PPP6C: variants seen among roughly 807,000 people sequenced by gnomAD.
PPP6C encodes the protein protein phosphatase 6 catalytic subunit.
Under a neutral mutation model 39.8 loss-of-function variants are expected in PPP6C, and 11 were observed. The ratio of observed to expected loss-of-function variants is 0.28; its 90% CI spans 0.17 to 0.46. The LOEUF is 0.46. PPP6C is among the 20% of genes least tolerant of loss of function. The pLI is 1.00. For synonymous variants in PPP6C, 129 were observed against 130.3 expected, an observed-to-expected ratio of 0.99 and a Z score of 0.07; for missense variants, 211 against 373.9, an observed-to-expected ratio of 0.56 and a Z score of 3.59.
intron 2 of PPP6C, among the ~76,000 whole-genome samples, chr9:125,169,547 T>C (rs1465309510): frequency 6.6e-6 from 1 of 152,166 alleles, no homozygotes; most frequent in Non-Finnish European, 1.5e-5. Flanking sequence ...ACACTGCTTA[T>C]ATTAATATCC....
At chr9:125,178,539 G>A (rs192714018) in intron 1 of PPP6C, among the ~76,000 whole-genome samples, 25 of 152,180 alleles carry the variant, frequency 1.6e-4, no homozygotes, top group Non-Finnish European at 2.1e-4. Flanking sequence ...GACAAACCAG[G>A]CAAGTAGGCT....
intron 1 of PPP6C, among the ~76,000 whole-genome samples, chr9:125,185,926 A>C (rs756578273): frequency 6.6e-6 from 1 of 152,054 alleles, no homozygotes; most frequent in Non-Finnish European, 1.5e-5. Flanking sequence ...CAGAGGTTGC[A>C]GTGAGCCAAG....
intron 1 of PPP6C, among the ~76,000 whole-genome samples, chr9:125,188,229 C>T (rs1403292282): frequency 1.3e-5 from 2 of 151,766 alleles, no homozygotes; most frequent in Admixed American, 1.3e-4. Flanking sequence ...ACTAAAAATA[C>T]AAAAAATTAG....
At chr9:125,164,564 T>C (rs534457355) in intron 2 of PPP6C, among the ~76,000 whole-genome samples, 1 of 152,084 alleles carries the variant, frequency 6.6e-6, no homozygotes, top group South Asian at 2.1e-4. Flanking sequence ...CTGCTCCCAT[T>C]TTAAACCAAA....
chr9:125,185,651 G>A (rs1279211663), intron 1 of PPP6C, among the ~76,000 whole-genome samples: 1 of 150,904 alleles, frequency 6.6e-6, no homozygotes, highest in Non-Finnish European at 1.5e-5. Context: ...CTGAGAACGT[G>A]CACCTGCACT....
intron 4 of PPP6C, among the ~76,000 whole-genome samples, chr9:125,154,837 A>G (rs183993508): frequency 3.3e-5 from 5 of 152,294 alleles, no homozygotes; most frequent in African/African-American, 1.2e-4. Flanking sequence ...AAAACTGAGG[A>G]CAGATTGCCA....
At chr9:125,151,023 G>C (rs1381395175) in intron 6 of PPP6C, 2 of 1,373,142 alleles carry the variant, frequency 1.5e-6, no homozygotes, top group Non-Finnish European at 2.1e-6. Flanking sequence ...TTATCACCAT[G>C]GACCTACATG....
chr9:125,152,215 T>C (rs981708157), intron 6 of PPP6C, among the ~76,000 whole-genome samples: 3 of 152,050 alleles, frequency 2.0e-5, no homozygotes, highest in African/African-American at 7.2e-5. Flanking sequence ...TAGCTTGGAT[T>C]CTCTTTTGTA....
At chr9:125,155,415 A>ACG (rs1836044137) in intron 4 of PPP6C, among the ~76,000 whole-genome samples, 4 of 152,196 alleles carry the variant, frequency 2.6e-5, no homozygotes, top group Non-Finnish European at 1.5e-5. Flanking sequence ...CAAGATTGTT[A>ACG]TGTAAACTTG....
chr9:125,171,476 C>CATAT (rs1171225348), intron 1 of PPP6C, among the ~76,000 whole-genome samples: 3,277 of 55,844 alleles, frequency 0.059, 55 homozygotes, highest in Admixed American at 0.07. Flanking sequence ...CACACACACA[C>CATAT]ACATATATAT....
chr9:125,170,961 G>T, intron 2 of PPP6C, 124 bp downstream of exon 2: 1 of 576,764 alleles, frequency 1.7e-6, no homozygotes. Context: ...AGAGACTGAG[G>T]CAACCTAGCT....
intron 1 of PPP6C, chr9:125,188,885 T>A: frequency 5.2e-6 from 8 of 1,526,498 alleles, no homozygotes; most frequent in Non-Finnish European, 7.1e-6. Flanking sequence ...ATACATTTAC[T>A]CTTACTTGGA....
chr9:125,185,351 T>C (rs1829503865), intron 1 of PPP6C, among the ~76,000 whole-genome samples: 1 of 151,350 alleles, frequency 6.6e-6, no homozygotes. Flanking sequence ...CTCAAGCAAT[T>C]CTCCTGCCTC....
At chr9:125,151,404 C>T in intron 6 of PPP6C, 1 of 914,882 alleles carries the variant, frequency 1.1e-6, no homozygotes, top group Admixed American at 1.7e-5. Context: ...TCTGGTCCAG[C>T]TATTTCTCAC....
At chr9:125,154,338 TGTG>T (rs1412653237) in intron 4 of PPP6C, among the ~76,000 whole-genome samples, 1 of 152,264 alleles carries the variant, frequency 6.6e-6, no homozygotes, top group African/African-American at 2.4e-5. Context: ...GCTATAAATT[TGTG>T]CAGCATGTAA....
chr9:125,171,331 T>G (rs1829142479), intron 1 of PPP6C, 151 bp from the exon 2 acceptor site: 2 of 587,126 alleles, frequency 3.4e-6, no homozygotes, highest in South Asian at 5.0e-5. Context: ...GGGGGTTGGA[T>G]TTCTGTCAGC....
At chr9:125,189,601 G>A in intron 1 of PPP6C, 43 bp downstream of exon 1, 1 of 1,610,192 alleles carries the variant, frequency 6.2e-7, no homozygotes, top group Non-Finnish European at 8.5e-7. Flanking sequence ...CGGCCGGCGG[G>A]CGCCCCACAG....
intron 3 of PPP6C, among the ~76,000 whole-genome samples, chr9:125,158,814 G>A (rs939483105): frequency 9.9e-5 from 15 of 151,266 alleles, no homozygotes; most frequent in Admixed American, 4.6e-4. Flanking sequence ...GGTACAAGCC[G>A]CCACCACACC....
intron 1 of PPP6C, among the ~76,000 whole-genome samples, chr9:125,172,775 A>G (rs10986610): frequency 2.6e-5 from 4 of 151,878 alleles, no homozygotes; most frequent in African/African-American, 9.7e-5. Context: ...ACACACAAAC[A>G]CAAGTAAAAC....
Sources: allele counts gnomAD v4.1 joint callset (sites outside exome capture counted in the v4.1 genomes callset), GRCh38; gene constraint gnomAD v4.1.1; transcripts MANE v1.5; gene names NCBI Gene and HGNC (gene_info 2026-07-23, HGNC 2026-07-21).